Variants in NSD3 observed in about 807,000 individuals in gnomAD.
NSD3 encodes histone-lysine N-methyltransferase NSD3.
NSD3 carries 24 observed loss-of-function variants against 160.8 expected under a neutral mutation model. That is an observed-to-expected ratio of 0.15 (90% confidence interval 0.11 to 0.21). NSD3 has a LOEUF of 0.21. Among genes scored for constraint, NSD3 ranks in the 10% least tolerant of loss-of-function variants. The pLI is 1.00. For synonymous variants in NSD3, 520 were observed against 600.0 expected (o/e 0.87, Z 1.95); for missense variants, 1,157 against 1,735.9 (o/e 0.67, Z 5.93).
At chr8:38,287,258 G>A (rs962008978) in intron 19 of NSD3, among the ~76,000 whole-genome samples, 2 of 151,988 alleles carry the variant, frequency 1.3e-5, no homozygotes, top group Non-Finnish European at 2.9e-5. Flanking sequence ...TATTTATTGG[G>A]GAAATAGGTT....
chr8:38,381,104 T>C (rs1397703044), intron 1 of NSD3, among the ~76,000 whole-genome samples: 2 of 152,142 alleles, frequency 1.3e-5, no homozygotes, highest in Non-Finnish European at 2.9e-5. Context: ...CCTCCCTTCC[T>C]AACACTTTAA....
intron 4 of NSD3, among the ~76,000 whole-genome samples, chr8:38,332,430 C>G (rs1160620365): frequency 6.6e-6 from 1 of 152,144 alleles, no homozygotes; most frequent in Non-Finnish European, 1.5e-5. Flanking sequence ...AGCCACTGCG[C>G]CTGCATCTCA....
At chr8:38,278,500 G>A in intron 21 of NSD3, 88 bp from the exon 22 acceptor site, 1 of 1,153,692 alleles carries the variant, frequency 8.7e-7, no homozygotes, top group Admixed American at 2.7e-5. Flanking sequence ...GAAAAAAAGA[G>A]ACATCATTTT....
intron 1 of NSD3, among the ~76,000 whole-genome samples, chr8:38,363,328 T>C (rs865818020): frequency 1.3e-5 from 2 of 152,154 alleles, no homozygotes; most frequent in Non-Finnish European, 2.9e-5. Context: ...AGAGAGAGAT[T>C]TGAAGACTGC....
At chr8:38,299,287 T>C (rs982776506) in intron 15 of NSD3, among the ~76,000 whole-genome samples, 157 bp downstream of exon 15, 2 of 152,168 alleles carry the variant, frequency 1.3e-5, no homozygotes, top group Non-Finnish European at 2.9e-5. Flanking sequence ...TTTTTAATAA[T>C]TGTGCAGCCA....
In NSD3 at chr8:38,317,775, A is replaced by C; in HGVS notation, c.1855+1120T>G. 7.0e-7 allele frequency: 1 copy of C among 1,420,366 alleles called. No homozygotes were observed. Among genetic ancestry groups the C allele is most frequent in the Non-Finnish European group, 9.2e-7 (1 of 1,091,346 alleles). 88.0% of individuals were successfully genotyped at this position (1,420,366 alleles called of 1,614,324 possible). On this transcript the variant is annotated intron_variant, in intron 9 of 23. Coordinates refer to ENST00000317025, the MANE Select transcript of NSD3 (RefSeq NM_023034.2). This position sits in a 1 kb window ranked among gnomAD's most constrained non-coding sequence, Gnocchi z 5.3. ...CAGCTCAAACCGAAAAAAAAAAATC[A>C]TTTGACTGTTAAAGCAATTGTTCAG...
At chr8:38,358,804 A>C (rs1002512169) in intron 1 of NSD3, among the ~76,000 whole-genome samples, 2 of 152,086 alleles carry the variant, frequency 1.3e-5, no homozygotes, top group African/African-American at 4.8e-5. Context: ...TCTGAATGTG[A>C]CTCACATTTG....
intron 21 of NSD3, among the ~76,000 whole-genome samples, chr8:38,278,792 A>G (rs1403791304): frequency 6.6e-6 from 1 of 152,222 alleles, no homozygotes; most frequent in Non-Finnish European, 1.5e-5. Context: ...TTGTAACAAT[A>G]CTATTTCCAG....
chr8:38,355,382 T>C (rs1245080208), intron 1 of NSD3, among the ~76,000 whole-genome samples: 2 of 150,704 alleles, frequency 1.3e-5, no homozygotes, highest in East Asian at 2.0e-4. Flanking sequence ...TTCATTGCAA[T>C]GCTGGGCATA....
rs1477775689 is a variant in NSD3 at position 38,327,583 on chromosome 8, T to TA, written c.1582-728dup. On this transcript the variant is annotated intron_variant, in intron 6 of 23. Coordinates refer to ENST00000317025, the MANE Select transcript of NSD3 (RefSeq NM_023034.2). ...GTGAGGTAGAGTATTTGTCTAAGTCTAGGTGATAAATGTCACTAAAAAATA... is the reference window on the plus strand; with the variant it reads ...GTGAGGTAGAGTATTTGTCTAAGTCTAAGGTGATAAATGTCACTAAAAAATA... 8.5e-5 allele frequency among the ~76,000 whole-genome samples: 13 copies of TA among 152,214 alleles called. 1 individual carries two copies. The highest frequency in any genetic ancestry group is 2.4e-5 in the African/African-American group (1 of 41,452).
intron 1 of NSD3, among the ~76,000 whole-genome samples, chr8:38,371,349 C>T (rs762395518): frequency 6.6e-6 from 1 of 151,914 alleles, no homozygotes; most frequent in Non-Finnish European, 1.5e-5. Flanking sequence ...TCAAGTTTTC[C>T]ATTAAAAAAT....
At chr8:38,336,548 T>A (rs900505954) in intron 4 of NSD3, among the ~76,000 whole-genome samples, 3 of 152,126 alleles carry the variant, frequency 2.0e-5, no homozygotes, top group African/African-American at 7.2e-5. Flanking sequence ...TTTGCCAGGA[T>A]GAAAAGTACT....
In NSD3 at chr8:38,273,472, C is replaced by G. The variant is rs914859527; in HGVS notation, c.*2169G>C. The G allele has an allele frequency of 6.6e-6, 1 of 152,196 alleles. No homozygotes were observed. The highest frequency in any genetic ancestry group is 2.4e-5 in the African/African-American group (1 of 41,508). 9.4% of individuals were successfully genotyped at this position (152,196 alleles called of 1,614,324 possible). ...CTGTAGTATATAGGATGTACCCTGG[C>G]TTACCATAGAAAAGTCTTTAGATAG... On this transcript the variant is annotated 3_prime_UTR_variant, in exon 24 of 24. Transcript: ENST00000317025.
chr8:38,365,703 C>A (rs1811089436), intron 1 of NSD3, among the ~76,000 whole-genome samples: 1 of 152,060 alleles, frequency 6.6e-6, no homozygotes, highest in Non-Finnish European at 1.5e-5. Context: ...GAACTCCTGA[C>A]CTCAAGTGCT....
In NSD3 at chr8:38,329,333, T is replaced by G. The variant is rs926150306; in HGVS notation, c.1581+45A>C. 4.4e-6 allele frequency: 7 copies of G among 1,579,730 alleles called. No individual in the cohort carries two copies. The highest frequency in any genetic ancestry group is 6.0e-6 in the Non-Finnish European group (7 of 1,162,560). ...GTTTTAAATGCCAAGGTTGACCACT[T>G]TTAAAATACCATCCCCCAAAAAACT... On this transcript the variant is annotated intron_variant, in intron 6 of 23. Coordinates refer to ENST00000317025, the MANE Select transcript of NSD3 (RefSeq NM_023034.2). This position sits in a 1 kb window ranked among gnomAD's most constrained non-coding sequence, Gnocchi z 4.8.
chr8:38,326,252 G>A (rs993851420), intron 7 of NSD3, among the ~76,000 whole-genome samples: 2 of 152,186 alleles, frequency 1.3e-5, no homozygotes, highest in African/African-American at 4.8e-5. Flanking sequence ...CATGGTGTCT[G>A]CTAATCAGAA....
intron 1 of NSD3, among the ~76,000 whole-genome samples, chr8:38,362,038 T>C (rs185995483): frequency 1.7e-4 from 26 of 152,172 alleles, no homozygotes; most frequent in African/African-American, 5.5e-4. Flanking sequence ...AGAAGGGCTT[T>C]TCTTCATATG....
At chr8:38,297,731 C>G (rs1394230095) in intron 15 of NSD3, among the ~76,000 whole-genome samples, 2 of 152,046 alleles carry the variant, frequency 1.3e-5, no homozygotes, top group African/African-American at 2.4e-5. Flanking sequence ...TTAATTGATT[C>G]AATTTACCAA....
chr8:38,359,935 T>C (rs774836817), intron 1 of NSD3, among the ~76,000 whole-genome samples: 8 of 152,276 alleles, frequency 5.3e-5, no homozygotes, highest in African/African-American at 9.6e-5. Flanking sequence ...TCCAAAAAGT[T>C]TGAACCACGA....
Sources: gnomAD v4.1 joint callset for allele counts (sites outside exome capture counted in the v4.1 genomes callset) on GRCh38, gnomAD v4.1.1 for gene constraint, Gnocchi (gnomAD v3.1) non-coding constraint, MANE v1.5 for transcripts, NCBI Gene and HGNC (gene_info 2026-07-23, HGNC 2026-07-21) for gene names.